FHIT: variants seen among roughly 807,000 people sequenced by gnomAD.
The protein encoded by FHIT is bis(5'-adenosyl)-triphosphatase.
A neutral mutation model predicts 17.9 loss-of-function variants in FHIT; 19 were observed. The observed-to-expected ratio is 1.06, with a 90% CI of 0.74 to 1.56. The LOEUF is 1.56. Among genes scored for constraint, FHIT ranks in the 40% most tolerant of loss-of-function variants. The pLI is 0.00. For synonymous variants in FHIT, 81 were observed against 69.7 expected (o/e 1.16, Z -0.81); for missense variants, 248 against 189.2 (o/e 1.31, Z -1.82).
At chr3:59,830,069 C>T (rs772370952) in intron 8 of FHIT, among the ~76,000 whole-genome samples, 6 of 152,006 alleles carry the variant, frequency 3.9e-5, no homozygotes, top group Non-Finnish European at 8.8e-5. Flanking sequence ...GAGACCCTGT[C>T]TCAAAAACAA....
chr3:59,965,276 G>T (rs572131393), intron 7 of FHIT, among the ~76,000 whole-genome samples: 1 of 152,176 alleles, frequency 6.6e-6, no homozygotes, highest in South Asian at 2.1e-4. Flanking sequence ...AAAATATAGT[G>T]TATGGGAAAT....
intron 3 of FHIT, among the ~76,000 whole-genome samples, chr3:60,941,579 T>C (rs1708409127): frequency 6.6e-6 from 1 of 152,186 alleles, no homozygotes; most frequent in Admixed American, 6.5e-5. Context: ...TCCATGTTTT[T>C]ATACTTTTTC....
At chr3:60,428,450 A>G (rs1052821673) in intron 5 of FHIT, among the ~76,000 whole-genome samples, 2 of 152,160 alleles carry the variant, frequency 1.3e-5, no homozygotes, top group African/African-American at 4.8e-5. Context: ...GGTAAACTGA[A>G]TCAATGTCCT....
intron 7 of FHIT, among the ~76,000 whole-genome samples, chr3:59,978,321 T>C (rs145553075): frequency 2.0e-5 from 3 of 152,102 alleles, no homozygotes; most frequent in Non-Finnish European, 4.4e-5. Context: ...CCACCTTACA[T>C]GCCAATTACA....
At chr3:61,226,524 C>T (rs1028294357) in intron 1 of FHIT, among the ~76,000 whole-genome samples, 4 of 151,844 alleles carry the variant, frequency 2.6e-5, no homozygotes, top group African/African-American at 7.3e-5. Context: ...CAACTTGTTC[C>T]GCCTGTCAGC....
chr3:61,163,003 T>A (rs2037740113), intron 2 of FHIT, among the ~76,000 whole-genome samples: 1 of 152,192 alleles, frequency 6.6e-6, no homozygotes, highest in South Asian at 2.1e-4. Flanking sequence ...CACCTTTATT[T>A]GAGAATTATT....
At chr3:60,231,732 A>G (rs1576343520) in intron 5 of FHIT, among the ~76,000 whole-genome samples, 1 of 152,332 alleles carries the variant, frequency 6.6e-6, no homozygotes, top group East Asian at 1.9e-4. Flanking sequence ...TATTATCCCT[A>G]TTAAATAGAT....
chr3:61,066,973 C>T (rs2034633434), intron 2 of FHIT, among the ~76,000 whole-genome samples: 1 of 152,208 alleles, frequency 6.6e-6, no homozygotes, highest in South Asian at 2.1e-4. Flanking sequence ...ATTGGTTAAG[C>T]ATTGCCTGTA....
At chr3:60,039,238 CAAGAAAAGCCA>C in intron 5 of FHIT, among the ~76,000 whole-genome samples, 1 of 152,142 alleles carries the variant, frequency 6.6e-6, no homozygotes, top group Non-Finnish European at 1.5e-5. Flanking sequence ...GAAAGAAAAC[CAAGAAAAGCCA>C]AAGTTCCTTT....
chr3:60,373,306 C>T (rs1053454113), intron 5 of FHIT, among the ~76,000 whole-genome samples: 7 of 152,080 alleles, frequency 4.6e-5, no homozygotes, highest in Non-Finnish European at 8.8e-5. Flanking sequence ...GAGAAAGTGA[C>T]GTTGAAGCTA....
At chr3:61,147,992 G>C (rs1576104544) in intron 2 of FHIT, among the ~76,000 whole-genome samples, 1 of 150,944 alleles carries the variant, frequency 6.6e-6, no homozygotes, top group East Asian at 1.9e-4. Context: ...AATTATTCTA[G>C]GATTCAAAAG....
chr3:59,852,532 C>T (rs1701982755), intron 8 of FHIT, among the ~76,000 whole-genome samples: 3 of 152,202 alleles, frequency 2.0e-5, no homozygotes, highest in African/African-American at 7.2e-5. Context: ...GACATATCAC[C>T]CAAAGTCCAT....
chr3:60,371,120 G>A (rs574541000), intron 5 of FHIT, among the ~76,000 whole-genome samples: 10 of 152,230 alleles, frequency 6.6e-5, no homozygotes, highest in South Asian at 2.1e-4. Flanking sequence ...TTTTCTGACC[G>A]CTGTGTTGTT....
chr3:60,668,198 C>T (rs563001921), intron 4 of FHIT, among the ~76,000 whole-genome samples: 3 of 151,198 alleles, frequency 2.0e-5, no homozygotes, highest in East Asian at 2.0e-4. Context: ...TCTTTTTTTA[C>T]GTGTTCTGCC....
At chr3:60,733,380 AT>A (rs2042071748) in intron 4 of FHIT, among the ~76,000 whole-genome samples, 1 of 152,124 alleles carries the variant, frequency 6.6e-6, no homozygotes, top group Non-Finnish European at 1.5e-5. Context: ...GTTCCAATAT[AT>A]TTTATTTCTA....
intron 8 of FHIT, among the ~76,000 whole-genome samples, chr3:59,758,702 GACAAATC>G (rs1415800525): frequency 2.0e-5 from 3 of 152,096 alleles, no homozygotes; most frequent in Non-Finnish European, 4.4e-5. Flanking sequence ...TCTCATTTAT[GACAAATC>G]ATGTCAAGTC....
intron 3 of FHIT, among the ~76,000 whole-genome samples, chr3:60,953,221 T>C (rs1228696873): frequency 6.6e-6 from 1 of 152,174 alleles, no homozygotes; most frequent in Non-Finnish European, 1.5e-5. Context: ...TTCACACATA[T>C]CTTATTTGAG....
intron 5 of FHIT, among the ~76,000 whole-genome samples, chr3:60,316,358 C>T (rs774997080): frequency 2.0e-5 from 3 of 152,028 alleles, no homozygotes; most frequent in Non-Finnish European, 4.4e-5. Flanking sequence ...AAAAACATGA[C>T]AGTATAAGTG....
rs72886285 is a variant in FHIT at position 60,862,956 on chromosome 3, C to G, written c.-110-40945G>C. ...AGATGTATCAAGGTTACTAGTCAAC[C>G]GACTTTAACATAGGAAGGTTATCTT... On this transcript the variant is annotated intron_variant, in intron 3 of 9. Coordinates refer to ENST00000492590, the MANE Select transcript of FHIT (RefSeq NM_002012.4). Among the ~76,000 whole-genome samples the G allele has an allele frequency of 8.3e-3, 1,261 of 152,080 alleles. 18 individuals carry two copies. Among genetic ancestry groups the G allele is most frequent in the African/African-American group, 0.028 (1,150 of 41,480 alleles).
Sources: allele counts gnomAD v4.1 joint callset (sites outside exome capture counted in the v4.1 genomes callset), GRCh38; gene constraint gnomAD v4.1.1; transcripts MANE v1.5; gene names NCBI Gene and HGNC (gene_info 2026-07-23, HGNC 2026-07-21).